Variants in ACACB observed in about 807,000 individuals in gnomAD.
ACACB encodes acetyl-CoA carboxylase beta, also known as acetyl-CoA carboxylase 2.
In ACACB, 209 loss-of-function variants were observed where a neutral mutation model predicts 278.8. That is an observed-to-expected ratio of 0.75 (90% CI 0.67 to 0.84). The LOEUF is 0.84. Ranked by LOEUF, ACACB falls within the 40% of genes least tolerant of loss-of-function variation. ACACB has a pLI of 0.00. For missense variants in ACACB, 2,850 were observed against 3,269.0 expected, an observed-to-expected ratio of 0.87 and a Z score of 3.13; for synonymous variants, 1,174 against 1,285.6, an observed-to-expected ratio of 0.91 and a Z score of 1.86.
intron 2 of ACACB, among the ~76,000 whole-genome samples, chr12:109,166,456 G>GAC (rs1179698566): frequency 6.6e-6 from 1 of 151,632 alleles, no homozygotes; most frequent in Non-Finnish European, 1.5e-5. Flanking sequence ...GAAAGGCTTT[G>GAC]ACGTCACTTG....
chr12:109,263,062 T>C (rs544729217), intron 49 of ACACB: 1 of 149,368 alleles, frequency 6.7e-6, no homozygotes, highest in South Asian at 2.1e-4. Flanking sequence ...TTATCAGAAT[T>C]TTGGTGGCAA....
chr12:109,208,490 C>T (rs2045588106), intron 20 of ACACB, among the ~76,000 whole-genome samples: 1 of 152,134 alleles, frequency 6.6e-6, no homozygotes, highest in South Asian at 2.1e-4. Context: ...TTACAGGCAT[C>T]AGCCACCGCA....
Position 109,176,134 on chromosome 12 carries a change from G to C in ACACB, c.1327-19G>C. ...AACTGGCTAACCTCTAAAGAGGTCT[G>C]TTTGTCCTTTGCACCCAGGCAGCAG... On this transcript the variant is annotated intron_variant, in intron 8 of 52. Coordinates refer to ENST00000338432, the MANE Select transcript of ACACB (RefSeq NM_001093.4). 1.2e-6 allele frequency: 2 copies of C among 1,613,970 alleles called. No individual in the cohort carries two copies. Among genetic ancestry groups the C allele is most frequent in the Non-Finnish European group, 1.7e-6 (2 of 1,179,830 alleles).
At chr12:109,188,185 C>A (rs753222971) in intron 13 of ACACB, 23 bp downstream of exon 13, 18 of 793,934 alleles carry the variant, frequency 2.3e-5, no homozygotes, top group African/African-American at 3.3e-5. Flanking sequence ...TTCCTTCCTT[C>A]CTTCCTTCCT....
chr12:109,131,209 T>C (rs1565848438), intron 1 of ACACB: 1 of 152,372 alleles, frequency 6.6e-6, no homozygotes, highest in Non-Finnish European at 1.5e-5. Flanking sequence ...GGCTTAAATT[T>C]ATGGGTGACA....
At chr12:109,213,025 G>T in intron 22 of ACACB, 89 bp downstream of exon 22, 1 of 1,163,960 alleles carries the variant, frequency 8.6e-7, no homozygotes, top group Non-Finnish European at 1.3e-6. Context: ...CTGTCTTCAG[G>T]GCAGGCTTGA....
At chr12:109,117,230 G>A (rs974035129) in intron 1 of ACACB, among the ~76,000 whole-genome samples, 70 of 150,828 alleles carry the variant, frequency 4.6e-4, no homozygotes, top group African/African-American at 1.7e-3. Context: ...TGTGGTGATG[G>A]GCACCTGTAA....
chr12:109,254,928 C>T (rs1725457080), intron 44 of ACACB, among the ~76,000 whole-genome samples: 1 of 152,074 alleles, frequency 6.6e-6, no homozygotes, highest in Non-Finnish European at 1.5e-5. Flanking sequence ...GTGCCTGCCA[C>T]CACACCCAGC....
chr12:109,266,176 C>A, intron 52 of ACACB, 60 bp from the exon 53 acceptor site: 2 of 1,580,082 alleles, frequency 1.3e-6, no homozygotes, highest in Non-Finnish European at 8.6e-7. Flanking sequence ...CTCTGCCACC[C>A]TTGGGGCCAC....
At chr12:109,225,069 T>C (rs2046277246) in intron 27 of ACACB, among the ~76,000 whole-genome samples, 1 of 152,212 alleles carries the variant, frequency 6.6e-6, no homozygotes, top group African/African-American at 2.4e-5. Context: ...TATTCCTCTA[T>C]GGGTTTCACC....
chr12:109,192,228 T>C (rs1466214507), intron 15 of ACACB, among the ~76,000 whole-genome samples: 1 of 152,028 alleles, frequency 6.6e-6, no homozygotes, highest in Non-Finnish European at 1.5e-5. Flanking sequence ...ATCATAATAG[T>C]CAGGAGTTCT....
intron 27 of ACACB, 49 bp from the exon 28 acceptor site, chr12:109,227,322 A>T (rs930362673): frequency 6.5e-6 from 10 of 1,536,014 alleles, no homozygotes; most frequent in Admixed American, 5.5e-5. Context: ...TTTTGAGCAC[A>T]CTCTGCAGTG....
intron 1 of ACACB, 127 bp from the exon 2 acceptor site, chr12:109,139,270 T>C (rs1046741460): frequency 3.6e-6 from 3 of 837,912 alleles, no homozygotes; most frequent in Non-Finnish European, 5.5e-6. Flanking sequence ...GAGAACCCCA[T>C]CTCTCCCCTC....
In ACACB at chr12:109,256,076, G is replaced by A. The variant is rs142027088; in HGVS notation, c.6167-64G>A. On this transcript the variant is annotated intron_variant, in intron 44 of 52. Transcript: ENST00000338432. ...CCTTAGGGAGCTTTTGCACAGCCAG[G>A]AGTGTCCTGGGGGCCCCCAGCCACC... The A allele has an allele frequency of 1.2e-3, 1,575 of 1,312,196 alleles. 14 individuals are homozygous for A. In the African/African-American group the frequency reaches 0.019, roughly 16 times the overall value. The allele number at this position is 1,312,196 out of a possible 1,614,324, so 81.3% of individuals were successfully genotyped here.
At chr12:109,191,253 G>C (rs867108449) in intron 13 of ACACB, among the ~76,000 whole-genome samples, 1 of 146,080 alleles carries the variant, frequency 6.8e-6, no homozygotes, top group Non-Finnish European at 1.5e-5. Flanking sequence ...TTGCTCTGTC[G>C]CCCAGCCTGG....
In ACACB at chr12:109,216,926, C is replaced by T; in HGVS notation, c.3564+6C>T. ...AGCTGGTGATCATGTTGATCGTAAG[C>T]AGGAAGAGGGCCTGTTACTAGACTG... On this transcript the variant is annotated splice_donor_region_variant and intron_variant, in intron 24 of 52. Transcript: ENST00000338432. 6.2e-7 allele frequency: 1 copy of T among 1,612,528 alleles called. No individual in the cohort carries two copies. The highest frequency in any genetic ancestry group is 8.5e-7 in the Non-Finnish European group (1 of 1,179,706).
chr12:109,226,108 T>C (rs1042596075), intron 27 of ACACB, among the ~76,000 whole-genome samples: 7 of 151,112 alleles, frequency 4.6e-5, no homozygotes, highest in Non-Finnish European at 7.4e-5. Context: ...CTTTACTAAA[T>C]ATAAAAAACA....
At chr12:109,124,860 G>A (rs952384446) in intron 1 of ACACB, among the ~76,000 whole-genome samples, 7 of 152,214 alleles carry the variant, frequency 4.6e-5, no homozygotes, top group South Asian at 2.1e-4. Flanking sequence ...GACCACAGGC[G>A]CTCGCCACCA....
At position 109,247,722 on chromosome 12, in the gene ACACB, A is replaced by G; in HGVS notation, c.5669+19A>G. ...AGTCCAGGTAAATAACTTATCAGGTAGCTCCTTAATTTTGCTCATGGTTAA... is the reference window on the plus strand; with the variant it reads ...AGTCCAGGTAAATAACTTATCAGGTGGCTCCTTAATTTTGCTCATGGTTAA... On this transcript the variant is annotated intron_variant, in intron 40 of 52. Transcript: ENST00000338432. 3 of 1,589,814 alleles carry G rather than the reference A, an allele frequency of 1.9e-6. No individual in the cohort carries two copies. Among genetic ancestry groups the G allele is most frequent in the Non-Finnish European group, 2.6e-6 (3 of 1,159,566 alleles).
Sources: gnomAD v4.1 joint callset for allele counts (sites outside exome capture counted in the v4.1 genomes callset) on GRCh38, gnomAD v4.1.1 for gene constraint, MANE v1.5 for transcripts, NCBI Gene and HGNC (gene_info 2026-07-23, HGNC 2026-07-21) for gene names.